Variants in RNF130 observed in about 807,000 individuals in gnomAD.
RNF130 encodes ring finger protein 130.
RNF130 carries 21 observed loss-of-function variants against 44.6 expected under a neutral mutation model. The observed-to-expected ratio is 0.47, with a 90% CI of 0.33 to 0.68. The LOEUF is 0.68. Ranked by LOEUF, RNF130 falls within the 30% of genes least tolerant of loss-of-function variation. The pLI, the probability that RNF130 is intolerant of heterozygous loss-of-function variation, is 0.02. For missense variants in RNF130, 479 were observed against 560.6 expected, an observed-to-expected ratio of 0.85 and a Z score of 1.47; for synonymous variants, 214 against 210.4, an observed-to-expected ratio of 1.02 and a Z score of -0.15.
chr5:179,994,554 T>C (rs1399740365), intron 3 of RNF130, among the ~76,000 whole-genome samples: 1 of 152,170 alleles, frequency 6.6e-6, no homozygotes, highest in Non-Finnish European at 1.5e-5. Context: ...TTGTTTGACT[T>C]TGCTTCTGAG....
chr5:179,978,146 G>A, intron 5 of RNF130, 57 bp downstream of exon 5: 1 of 1,420,364 alleles, frequency 7.0e-7, no homozygotes. Context: ...ACCCTGAAAA[G>A]GAGGCATACA....
At chr5:179,992,874 T>C (rs545612109) in intron 3 of RNF130, among the ~76,000 whole-genome samples, 3 of 152,122 alleles carry the variant, frequency 2.0e-5, no homozygotes, top group Non-Finnish European at 4.4e-5. Flanking sequence ...TCCCTCCCTC[T>C]TCCCCCCAAC....
At chr5:180,024,071 CT>C (rs1763934945) in intron 2 of RNF130, among the ~76,000 whole-genome samples, 1 of 152,192 alleles carries the variant, frequency 6.6e-6, no homozygotes, top group African/African-American at 2.4e-5. Flanking sequence ...TATAAGAAAA[CT>C]ATCAAACATG....
chr5:180,023,908 GACAGACAC>G (rs1763930281), intron 2 of RNF130, among the ~76,000 whole-genome samples: 2 of 152,204 alleles, frequency 1.3e-5, no homozygotes, highest in South Asian at 4.1e-4. Context: ...TGGAGAACCT[GACAGACAC>G]TACCTCAGCC....
At chr5:180,049,610 T>C (rs4129403) in intron 1 of RNF130, among the ~76,000 whole-genome samples, 19,145 of 152,210 alleles carry the variant, frequency 0.13, 1,365 homozygotes, top group East Asian at 0.25. Context: ...TGATACATTG[T>C]TTCAGTATAC....
chr5:180,005,670 TC>T (rs968331771), intron 3 of RNF130, among the ~76,000 whole-genome samples: 1 of 152,184 alleles, frequency 6.6e-6, no homozygotes, highest in African/African-American at 2.4e-5. Context: ...AAGTCTTAAT[TC>T]ATCCTTTAAA....
chr5:179,946,569 T>C (rs1241024271), intron 7 of RNF130, among the ~76,000 whole-genome samples: 1 of 151,996 alleles, frequency 6.6e-6, no homozygotes, highest in East Asian at 1.9e-4. Context: ...TTTTTTTTTT[T>C]TTGAGACGGA....
At chr5:179,937,394 CA>C (rs1002415094) in intron 7 of RNF130, among the ~76,000 whole-genome samples, 1 of 152,188 alleles carries the variant, frequency 6.6e-6, no homozygotes, top group Non-Finnish European at 1.5e-5. Context: ...AAGGACTTAA[CA>C]GACAATTCTC....
intron 1 of RNF130, among the ~76,000 whole-genome samples, chr5:180,043,308 G>A (rs1230110298): frequency 6.6e-6 from 1 of 152,180 alleles, no homozygotes; most frequent in Non-Finnish European, 1.5e-5. Context: ...CTGGGTGACA[G>A]AGCAAGACTC....
intron 7 of RNF130, among the ~76,000 whole-genome samples, chr5:179,924,388 G>C (rs781376566): frequency 6.6e-6 from 1 of 151,384 alleles, no homozygotes; most frequent in African/African-American, 2.4e-5. Flanking sequence ...CCAGCTACTC[G>C]GGAGGCTGAG....
chr5:179,938,080 C>T (rs1455275894), intron 7 of RNF130, among the ~76,000 whole-genome samples: 1 of 151,934 alleles, frequency 6.6e-6, no homozygotes, highest in Non-Finnish European at 1.5e-5. Flanking sequence ...CCTCAGCCTC[C>T]CGAGTAGCTG....
At chr5:180,066,029 T>C (rs147246695) in intron 1 of RNF130, among the ~76,000 whole-genome samples, 31 of 152,350 alleles carry the variant, frequency 2.0e-4, no homozygotes, top group Admixed American at 5.2e-4. Flanking sequence ...ATCCTAATAA[T>C]GTTTAATGTT....
chr5:179,967,072 A>C, intron 6 of RNF130, 62 bp from the exon 7 acceptor site: 1 of 1,471,530 alleles, frequency 6.8e-7, no homozygotes, highest in Non-Finnish European at 9.4e-7. Context: ...ATAAGATTCT[A>C]AAAAAGATTC....
At chr5:179,951,043 A>G (rs1319920587), downstream of RNF130, among the ~76,000 whole-genome samples, 2 of 152,136 alleles carry the variant, frequency 1.3e-5, no homozygotes, top group Non-Finnish European at 2.9e-5. Context: ...AAGGCCAAAC[A>G]TGCTCGGCTG....
At chr5:179,961,514 T>A (rs1356013573) in intron 8 of RNF130, among the ~76,000 whole-genome samples, 2 of 152,208 alleles carry the variant, frequency 1.3e-5, no homozygotes, top group Non-Finnish European at 2.9e-5. Context: ...TACTGAGCAC[T>A]CTCATTTTAA....
intron 1 of RNF130, among the ~76,000 whole-genome samples, chr5:180,041,298 AAGTCACC>A (rs1261374425): frequency 1.3e-5 from 2 of 152,198 alleles, no homozygotes; most frequent in Non-Finnish European, 2.9e-5. Flanking sequence ...ATGTTAGCAA[AAGTCACC>A]CCACAACTCC....
At chr5:180,009,931 A>T (rs1763547394) in intron 3 of RNF130, among the ~76,000 whole-genome samples, 1 of 152,194 alleles carries the variant, frequency 6.6e-6, no homozygotes, top group Non-Finnish European at 1.5e-5. Flanking sequence ...AAAAGGAATA[A>T]ATGACTGATA....
intron 7 of RNF130, among the ~76,000 whole-genome samples, chr5:179,942,376 T>C (rs1317333743): frequency 6.6e-6 from 1 of 152,046 alleles, no homozygotes; most frequent in Non-Finnish European, 1.5e-5. Flanking sequence ...GACAGATCTG[T>C]ATGCACTGAT....
intron 2 of RNF130, among the ~76,000 whole-genome samples, chr5:180,036,169 G>A (rs1163982192): frequency 6.6e-6 from 1 of 152,090 alleles, no homozygotes. Context: ...CCTTAAAGTT[G>A]GTGGTGTTGC....
Sources: allele counts gnomAD v4.1 joint callset (sites outside exome capture counted in the v4.1 genomes callset), GRCh38; gene constraint gnomAD v4.1.1; transcripts MANE v1.5; gene names NCBI Gene and HGNC (gene_info 2026-07-23, HGNC 2026-07-21).